SLC14A2: variants seen among roughly 807,000 people sequenced by gnomAD.
The protein encoded by SLC14A2 is urea transporter 2.
In SLC14A2, 91 loss-of-function variants were observed where a neutral mutation model predicts 104.6. That is an observed-to-expected ratio of 0.87 (90% CI 0.73 to 1.04). SLC14A2 has a LOEUF of 1.04. Ranked by LOEUF, SLC14A2 falls within the 50% of genes least tolerant of loss-of-function variation. SLC14A2 has a pLI of 0.00. For missense variants in SLC14A2, 1,189 were observed against 1,156.0 expected, an observed-to-expected ratio of 1.03 and a Z score of -0.41; for synonymous variants, 476 against 466.4, an observed-to-expected ratio of 1.02 and a Z score of -0.27.
chr18:45,653,261 TC>T (rs2045771376), intron 10 of SLC14A2, among the ~76,000 whole-genome samples: 1 of 152,038 alleles, frequency 6.6e-6, no homozygotes, highest in African/African-American at 2.4e-5. Flanking sequence ...CCTGCTGGGC[TC>T]CTCCCACCCC....
At chr18:45,457,902 G>A (rs1046111604) in intron 1 of SLC14A2, among the ~76,000 whole-genome samples, 1 of 152,164 alleles carries the variant, frequency 6.6e-6, no homozygotes, top group East Asian at 1.9e-4. Flanking sequence ...AAGCATCCTG[G>A]AGTCAGATGC....
chr18:45,559,822 T>C (rs1343371428), intron 2 of SLC14A2, among the ~76,000 whole-genome samples: 1 of 152,330 alleles, frequency 6.6e-6, no homozygotes, highest in Admixed American at 6.5e-5. Flanking sequence ...CACCCTACTG[T>C]GGCCTCCAGC....
chr18:45,637,947 G>A (rs562146612), intron 6 of SLC14A2, among the ~76,000 whole-genome samples: 2 of 152,332 alleles, frequency 1.3e-5, no homozygotes, highest in Admixed American at 1.3e-4. Context: ...GGGAGGGAAG[G>A]CCGCCCTGGG....
rs553139455 is a variant in SLC14A2, at chr18:45,224,109, G to C, written c.-125+10918G>C. On this transcript the variant is annotated intron_variant, in intron 1 of 20. Coordinates refer to the SLC14A2 transcript ENST00000586448. ...TAATCCTTAGTTCCCAAGCGGTAAA[G>C]AGACTCTTTGAACAATTTATTTTTC... is the stretch of plus-strand genomic sequence containing the variant. 7.2e-5 allele frequency among the ~76,000 whole-genome samples: 11 copies of C among 152,316 alleles called. No individual in the cohort carries two copies. In the East Asian group the frequency reaches 1.4e-3, roughly 19 times the overall value.
rs149795691 is a variant in SLC14A2 at position 45,268,358 on chromosome 18, A to C, written c.-125+55167A>C. On this transcript the variant is annotated intron_variant, in intron 1 of 20. Transcript: ENST00000586448. ...ACAAGTAGTTAAATGTTCGTATAAA[A>C]GTTAAATAGAAATGCTGAGAACTAA... Among the ~76,000 whole-genome samples, 99 of 152,370 alleles carry C rather than the reference A, an allele frequency of 6.5e-4. 1 individual carries two copies. The highest frequency in any genetic ancestry group is 2.3e-3 in the African/African-American group (95 of 41,584).
intron 2 of SLC14A2, among the ~76,000 whole-genome samples, chr18:45,592,429 G>C (rs2044661487): frequency 6.6e-6 from 1 of 152,140 alleles, no homozygotes; most frequent in Admixed American, 6.5e-5. Context: ...TGGAGGTTGA[G>C]TGCCATAAAA....
In SLC14A2 at chr18:45,667,987, G is replaced by A. The variant is rs540000135; in HGVS notation, c.1872G>A (p.Met624Ile). The part of the protein sequence containing the change: ...WAISGCLGTI[M>I]STLTALILSQ... ...TCTCAGGCTGCCTGGGTACCATCAT[G>A]TCCACCTTGACAGCCCTCATCCTGA... The change falls in exon 14 of 20, where the codon ATG becomes ATA. Residue 624 changes from methionine (M) to isoleucine (I), a missense_variant. Coordinates refer to ENST00000255226, the MANE Select transcript of SLC14A2 (RefSeq NM_007163.4). 9.3e-6 allele frequency: 15 copies of A among 1,614,070 alleles called. No individual in the cohort carries two copies. The African/African-American group carries it at 2.0e-4, about 22-fold the overall frequency.
intron 1 of SLC14A2, among the ~76,000 whole-genome samples, chr18:45,314,151 C>A (rs926600866): frequency 1.1e-4 from 17 of 152,216 alleles, no homozygotes; most frequent in African/African-American, 4.1e-4. Flanking sequence ...GGCCAAAGAA[C>A]AAAGTGAAAA....
chr18:45,655,513 T>C (rs2045820442), intron 10 of SLC14A2, among the ~76,000 whole-genome samples: 1 of 152,214 alleles, frequency 6.6e-6, no homozygotes, highest in Non-Finnish European at 1.5e-5. Context: ...GCCTGATTGG[T>C]ATTGGCTTTC....
At chr18:45,599,248 G>A (rs771944860) in intron 2 of SLC14A2, among the ~76,000 whole-genome samples, 5 of 152,182 alleles carry the variant, frequency 3.3e-5, no homozygotes, top group African/African-American at 7.2e-5. Context: ...AGGAGTAATC[G>A]CTAATAACCA....
intron 1 of SLC14A2, among the ~76,000 whole-genome samples, chr18:45,404,325 G>A (rs990048581): frequency 7.2e-5 from 11 of 152,118 alleles, no homozygotes; most frequent in Non-Finnish European, 1.5e-4. Context: ...TAATAGTAAG[G>A]CTATATTTTT....
chr18:45,545,350 C>T (rs554945969), intron 2 of SLC14A2, among the ~76,000 whole-genome samples: 1 of 152,322 alleles, frequency 6.6e-6, no homozygotes, highest in South Asian at 2.1e-4. Context: ...TAGTCCCTCC[C>T]ATTCTCTGTG....
chr18:45,353,727 G>A (rs1056936116), intron 1 of SLC14A2, among the ~76,000 whole-genome samples: 3 of 152,256 alleles, frequency 2.0e-5, no homozygotes, highest in East Asian at 3.9e-4. Flanking sequence ...TCTGGGTGTG[G>A]CAGGCATGCA....
Position 45,643,174 on chromosome 18 carries a change from T to A in SLC14A2, c.1169T>A (p.Met390Lys). ...ATGGAAGCAGCCATCTCCAACATCA[T>A]GTCAGTGGTAAGTGTGGATTCTCCT... The part of the protein sequence containing the change: ...AYMEAAISNI[M>K]SVVGVPPGTW... Residue 390 changes from methionine to lysine, a missense_variant, in exon 9 of 20, where the codon ATG (methionine) becomes AAG (lysine). Physicochemically the swap from Met to Lys is moderately conservative, Grantham distance 95. Transcript: ENST00000255226. 1 of 1,613,994 alleles carries A rather than the reference T, an allele frequency of 6.2e-7. No individual in the cohort carries two copies. Among genetic ancestry groups the A allele is most frequent in the Non-Finnish European group, 8.5e-7 (1 of 1,179,836 alleles).
chr18:45,188,252 G>A, the SLC14A2 span, among the ~76,000 whole-genome samples: 1 of 152,122 alleles, frequency 6.6e-6, no homozygotes, highest in African/African-American at 2.4e-5. Flanking sequence ...TGAAAGTAGT[G>A]CTATGTCTTG....
intron 1 of SLC14A2, among the ~76,000 whole-genome samples, chr18:45,364,980 T>A (rs1410160338): frequency 6.6e-6 from 1 of 152,104 alleles, no homozygotes; most frequent in Non-Finnish European, 1.5e-5. Flanking sequence ...AATCGCAGAT[T>A]TTGGGGGGTC....
chr18:45,505,299 G>A (rs1483430029), intron 2 of SLC14A2, among the ~76,000 whole-genome samples: 2 of 152,102 alleles, frequency 1.3e-5, no homozygotes, highest in Non-Finnish European at 2.9e-5. Context: ...CCTACCCCCT[G>A]CCACATCCTT....
At position 45,425,079 on chromosome 18, in the gene SLC14A2, A is replaced by G. The variant is rs147821556; in HGVS notation, c.-124-58154A>G. The stretch of plus-strand genomic sequence containing the variant: ...AATGGCAAAGCTAACTTTTATCTCA[A>G]TGTGTCTTGACTGCACATCCAGTTC... On this transcript the variant is annotated intron_variant, in intron 1 of 20. Coordinates refer to the SLC14A2 transcript ENST00000586448. Among the ~76,000 whole-genome samples, 289 of 152,264 alleles carry G rather than the reference A, an allele frequency of 1.9e-3. 1 individual carries two copies. Among genetic ancestry groups the G allele is most frequent in the African/African-American group, 6.8e-3 (281 of 41,570 alleles).
intron 1 of SLC14A2, among the ~76,000 whole-genome samples, chr18:45,365,300 G>A (rs75127048): frequency 3.3e-5 from 5 of 152,326 alleles, no homozygotes; most frequent in African/African-American, 1.2e-4. Flanking sequence ...TTGTAATCTT[G>A]CCTAGGCAAT....
Sources: gnomAD v4.1 joint callset for allele counts (sites outside exome capture counted in the v4.1 genomes callset) on GRCh38, gnomAD v4.1.1 for gene constraint, MANE v1.5 for transcripts, NCBI Gene and HGNC (gene_info 2026-07-23, HGNC 2026-07-21) for gene names.